WWC1: variants seen among roughly 807,000 people sequenced by gnomAD.
WWC1 encodes the protein protein KIBRA.
WWC1 carries 55 observed loss-of-function variants against 138.4 expected under a neutral mutation model. The ratio of observed to expected loss-of-function variants is 0.40; its 90% CI spans 0.32 to 0.50. WWC1 has a LOEUF of 0.50. Among genes scored for constraint, WWC1 ranks in the 20% least tolerant of loss-of-function variants. The probability of loss-of-function intolerance (pLI) is 0.72; values close to 1 mark genes in which losing one functional copy is unlikely to be tolerated. For missense variants in WWC1, 1,226 were observed against 1,420.4 expected (o/e 0.86, Z 2.20); for synonymous variants, 524 against 564.9 (o/e 0.93, Z 1.03).
At chr5:168,335,044 A>G (rs532344255) in intron 1 of WWC1, among the ~76,000 whole-genome samples, 1 of 152,286 alleles carries the variant, frequency 6.6e-6, no homozygotes, top group East Asian at 1.9e-4. Context: ...TCCCCTCTAA[A>G]AAAAAAATAA....
chr5:168,439,195 A>G (rs963275932), intron 15 of WWC1, among the ~76,000 whole-genome samples: 3 of 152,170 alleles, frequency 2.0e-5, no homozygotes, highest in East Asian at 1.9e-4. Context: ...TCTTCCCTTA[A>G]CAATATAGCC....
At chr5:168,409,636 G>T (rs1004940) in intron 7 of WWC1, among the ~76,000 whole-genome samples, 100,366 of 152,106 alleles carry the variant, frequency 0.66, 34,707 homozygotes, top group East Asian at 0.99. Context: ...TGGCTTGAAT[G>T]GGCACCAAGC....
intron 1 of WWC1, among the ~76,000 whole-genome samples, chr5:168,328,604 T>C (rs995550727): frequency 1.3e-5 from 2 of 152,120 alleles, no homozygotes; most frequent in Admixed American, 6.6e-5. Flanking sequence ...TGGAGTCCAG[T>C]GGCATGATCT....
intron 5 of WWC1, among the ~76,000 whole-genome samples, 182 bp from the exon 6 acceptor site, chr5:168,406,016 C>T (rs777652211): frequency 2.0e-5 from 3 of 152,146 alleles, no homozygotes. Context: ...TGTGAGCCAC[C>T]ATGCCCAGCC....
rs761312444 is a variant in WWC1 at position 168,467,862 on chromosome 5, A to G, written c.3173A>G (p.Lys1058Arg). ...EKRQMDRAEH[K>R]GELQTDKMMR... is the part of the protein sequence containing the mutation. ...CAGCAGATGGACCGAGCGGAGCACA[A>G]GGGTGAGCTTCAGACAGACAAGATG... is the stretch of plus-strand genomic sequence containing the variant. Residue 1058 changes from lysine to arginine, a missense_variant, in exon 22 of 23, where the codon AAG becomes AGG. Coordinates refer to ENST00000265293, the MANE Select transcript of WWC1 (RefSeq NM_015238.3). 5 of 1,614,196 alleles carry G rather than the reference A, an allele frequency of 3.1e-6. No individual in the cohort carries two copies. The highest frequency in any genetic ancestry group is 2.2e-5 in the East Asian group (1 of 44,882).
chr5:168,311,325 G>T (rs1004149109), intron 1 of WWC1, among the ~76,000 whole-genome samples: 4 of 151,798 alleles, frequency 2.6e-5, no homozygotes, highest in Non-Finnish European at 5.9e-5. Flanking sequence ...CTGGAAAAAA[G>T]CACAGGAATC....
At chr5:168,437,504 G>A (rs980928680) in intron 15 of WWC1, among the ~76,000 whole-genome samples, 9 of 152,128 alleles carry the variant, frequency 5.9e-5, no homozygotes, top group Non-Finnish European at 8.8e-5. Context: ...TACCTATGGA[G>A]TTGTTATCTG....
chr5:168,355,494 CAAAAA>C, intron 1 of WWC1, among the ~76,000 whole-genome samples: 1 of 66,524 alleles, frequency 1.5e-5, no homozygotes, highest in Middle Eastern at 9.6e-3. Context: ...GACTCCGTCT[CAAAAA>C]AAAAAAAAAA....
At chr5:168,408,259 A>C (rs1289336775) in intron 6 of WWC1, among the ~76,000 whole-genome samples, 1 of 152,096 alleles carries the variant, frequency 6.6e-6, no homozygotes, top group East Asian at 1.9e-4. Flanking sequence ...AGGGATTCCA[A>C]CTAGGGCATG....
intron 17 of WWC1, among the ~76,000 whole-genome samples, chr5:168,452,563 G>A (rs2337217): frequency 0.63 from 95,532 of 152,078 alleles, 30,297 homozygotes; most frequent in Middle Eastern, 0.7. Flanking sequence ...CAGCCTCCAG[G>A]ACTGCCAGAA....
chr5:168,430,148 A>G lies in WWC1; in HGVS notation c.2012A>G (p.Lys671Arg). Residue 671 changes from lysine to arginine, a missense_variant, in exon 14 of 23, where the codon AAG becomes AGG. By Grantham distance (26) the Lys-to-Arg change is conservative (BLOSUM62 2). This residue lies in a region of WWC1 where 1,016 missense variants were observed against 1,153.9 expected (regional missense o/e 0.88). Coordinates refer to ENST00000265293, the MANE Select transcript of WWC1 (RefSeq NM_015238.3). The part of the protein sequence containing the change: ...RIQIALKYDE[K>R]NKQFAILIIQ... ...CCTTTTCATTTCAGGTATGATGAGA[A>G]GAATAAGCAATTTGCAATATTAATC... The G allele has an allele frequency of 6.2e-7, 1 of 1,613,888 alleles. No homozygotes were observed. Among genetic ancestry groups the G allele is most frequent in the East Asian group, 2.2e-5 (1 of 44,888 alleles).
chr5:168,374,045 CAA>C (rs200314568), intron 2 of WWC1, among the ~76,000 whole-genome samples: 3,552 of 99,564 alleles, frequency 0.036, 136 homozygotes, highest in African/African-American at 0.11. Context: ...GATTCTGTAC[CAA>C]AAAAAAAAAA....
chr5:168,323,368 A>C (rs1772277475), intron 1 of WWC1, among the ~76,000 whole-genome samples: 1 of 152,162 alleles, frequency 6.6e-6, no homozygotes, highest in Non-Finnish European at 1.5e-5. Flanking sequence ...CAACATGGTG[A>C]GACCTCATCT....
chr5:168,357,568 A>G (rs1775556472), intron 1 of WWC1, among the ~76,000 whole-genome samples: 1 of 151,764 alleles, frequency 6.6e-6, no homozygotes, highest in Admixed American at 6.6e-5. Context: ...GGCTGAATGA[A>G]CAAGAGAAGA....
At chr5:168,322,785 C>T (rs755134448) in intron 1 of WWC1, among the ~76,000 whole-genome samples, 2 of 152,190 alleles carry the variant, frequency 1.3e-5, no homozygotes, top group African/African-American at 2.4e-5. Context: ...GTATGCTTTT[C>T]TACCCCACCA....
intron 3 of WWC1, among the ~76,000 whole-genome samples, chr5:168,388,186 A>G (rs892763565): frequency 5.9e-5 from 9 of 152,212 alleles, no homozygotes; most frequent in African/African-American, 1.7e-4. Context: ...TGCAATAAAG[A>G]TATCATGAAG....
chr5:168,377,650 A>T (rs1252986279), intron 2 of WWC1, among the ~76,000 whole-genome samples: 2 of 152,258 alleles, frequency 1.3e-5, no homozygotes, highest in Non-Finnish European at 2.9e-5. Context: ...AAAAGAAGAC[A>T]TAAAAGAGGC....
chr5:168,383,293 A>G (rs1030804407), intron 2 of WWC1, among the ~76,000 whole-genome samples: 5 of 152,262 alleles, frequency 3.3e-5, no homozygotes, highest in African/African-American at 1.2e-4. Flanking sequence ...TTTACCTGGC[A>G]CAAGTGCTTT....
chr5:168,325,426 C>T (rs761837111), intron 1 of WWC1, among the ~76,000 whole-genome samples: 51 of 152,228 alleles, frequency 3.4e-4, no homozygotes, highest in African/African-American at 1.2e-3. Flanking sequence ...TGGCAGTGTC[C>T]GCCCTCAGGC....
Sources: gnomAD v4.1 joint callset for allele counts (sites outside exome capture counted in the v4.1 genomes callset) on GRCh38, gnomAD v4.1.1 for gene constraint, gnomAD v4.1.1 regional missense constraint, MANE v1.5 for transcripts, NCBI Gene and HGNC (gene_info 2026-07-23, HGNC 2026-07-21) for gene names.